TRPC4: variants seen among roughly 807,000 people sequenced by gnomAD.
TRPC4 encodes the protein short transient receptor potential channel 4.
Under a neutral mutation model 99.4 loss-of-function variants are expected in TRPC4, and 49 were observed. That is an observed-to-expected ratio of 0.49 (90% CI 0.39 to 0.63). The LOEUF is 0.63. Among genes scored for constraint, TRPC4 ranks in the 20% least tolerant of loss-of-function variants. TRPC4 has a pLI of 0.00. For synonymous variants in TRPC4, 454 were observed against 425.9 expected (o/e 1.07, Z -0.81); for missense variants, 898 against 1,152.9 (o/e 0.78, Z 3.20).
At chr13:37,688,139 C>A (rs1005572817) in intron 4 of TRPC4, among the ~76,000 whole-genome samples, 1 of 152,084 alleles carries the variant, frequency 6.6e-6, no homozygotes, top group African/African-American at 2.4e-5. Flanking sequence ...AAGGAAAAGT[C>A]GATAACCTTC....
intron 2 of TRPC4, among the ~76,000 whole-genome samples, chr13:37,749,834 T>A (rs1955883251): frequency 6.6e-6 from 1 of 152,148 alleles, no homozygotes; most frequent in African/African-American, 2.4e-5. Context: ...CTATTCGTTT[T>A]ATACTTGTTA....
intron 3 of TRPC4, among the ~76,000 whole-genome samples, chr13:37,734,882 T>C (rs894872851): frequency 1.3e-5 from 2 of 152,022 alleles, no homozygotes; most frequent in African/African-American, 2.4e-5. Context: ...CAAGGAACCA[T>C]GGAGGATGGG....
At chr13:37,753,441 T>C (rs1566145144) in intron 2 of TRPC4, among the ~76,000 whole-genome samples, 1 of 151,864 alleles carries the variant, frequency 6.6e-6, no homozygotes, top group Non-Finnish European at 1.5e-5. Context: ...ATTGAAATGG[T>C]TGGAGGCAGG....
At chr13:37,767,352 A>C (rs201006638) in intron 2 of TRPC4, among the ~76,000 whole-genome samples, 2 of 151,122 alleles carry the variant, frequency 1.3e-5, no homozygotes, top group African/African-American at 2.4e-5. Context: ...ATATATATAT[A>C]TATCTATATA....
intron 1 of TRPC4, among the ~76,000 whole-genome samples, chr13:37,867,548 T>C (rs776228912): frequency 1.1e-4 from 17 of 152,076 alleles, no homozygotes; most frequent in Non-Finnish European, 2.2e-4. Context: ...CAGGGTATGC[T>C]GATAGCATTT....
chr13:37,745,540 A>ATATATGTATATATACG lies in TRPC4; in HGVS notation c.897+396_897+397insCGTATATATACATATA, dbSNP rs1566138792. 1.4e-3 allele frequency among the ~76,000 whole-genome samples: 31 copies of ATATATGTATATATACG among 22,720 alleles called. 1 individual carries two copies. Among genetic ancestry groups the ATATATGTATATATACG allele is most frequent in the Middle Eastern group, 0.015 (1 of 66 alleles). The allele number at this position is 22,720 out of a possible 152,430, so 14.9% of individuals were successfully genotyped here. Reference sequence around the variant, plus strand: ...TATACGTATATATGTATATATACGTATATATATATATATATAATTTCAAAT... The same window carrying ATATATGTATATATACG: ...TATACGTATATATGTATATATACGTATATATGTATATATACGTATATATATATATATAATTTCAAAT... On this transcript the variant is annotated intron_variant, in intron 3 of 10. Transcript: ENST00000379705.
intron 6 of TRPC4, among the ~76,000 whole-genome samples, chr13:37,657,594 G>A (rs928495565): frequency 5.3e-5 from 8 of 152,118 alleles, no homozygotes; most frequent in African/African-American, 1.9e-4. Context: ...TTTAAGGAAA[G>A]TTGTAAGTTA....
intron 5 of TRPC4, among the ~76,000 whole-genome samples, chr13:37,665,956 G>GA (rs1952634499): frequency 6.7e-6 from 1 of 148,280 alleles, no homozygotes; most frequent in Non-Finnish European, 1.5e-5. Context: ...GTCATGGCCA[G>GA]GAAAAAATGC....
At chr13:37,761,619 G>A (rs1956223089) in intron 2 of TRPC4, among the ~76,000 whole-genome samples, 1 of 151,866 alleles carries the variant, frequency 6.6e-6, no homozygotes, top group African/African-American at 2.4e-5. Flanking sequence ...CTCAAAGTTA[G>A]TTCCCATAGG....
At chr13:37,827,947 G>A (rs1040090741) in intron 1 of TRPC4, among the ~76,000 whole-genome samples, 4 of 152,126 alleles carry the variant, frequency 2.6e-5, no homozygotes, top group Non-Finnish European at 4.4e-5. Flanking sequence ...AGGACCCTCC[G>A]AGCCAGGTGC....
chr13:37,835,751 C>T (rs767589352), intron 1 of TRPC4, among the ~76,000 whole-genome samples: 6 of 152,184 alleles, frequency 3.9e-5, no homozygotes, highest in Non-Finnish European at 5.9e-5. Context: ...ACATAAGGTG[C>T]ATGACATTAG....
At chr13:37,802,569 G>T (rs1206056060) in intron 1 of TRPC4, among the ~76,000 whole-genome samples, 1 of 152,024 alleles carries the variant, frequency 6.6e-6, no homozygotes. Context: ...GTGTATTGCT[G>T]CATGATACCA....
intron 8 of TRPC4, among the ~76,000 whole-genome samples, chr13:37,644,977 A>G (rs541107700): frequency 2.8e-4 from 43 of 151,900 alleles, no homozygotes; most frequent in African/African-American, 1.0e-3. Flanking sequence ...GACAGAAAAA[A>G]TGGATTTTGT....
chr13:37,750,584 AT>A (rs1955906461), intron 2 of TRPC4, among the ~76,000 whole-genome samples: 1 of 152,174 alleles, frequency 6.6e-6, no homozygotes, highest in Admixed American at 6.6e-5. Flanking sequence ...ATATTGAAAC[AT>A]TCTGACTTTC....
intron 3 of TRPC4, among the ~76,000 whole-genome samples, chr13:37,739,111 G>A (rs931682344): frequency 1.2e-4 from 18 of 152,014 alleles, no homozygotes; most frequent in Non-Finnish European, 2.2e-4. Flanking sequence ...AAGAAAAACC[G>A]ACATTTGCAA....
rs1242411896 is a variant in TRPC4, at chr13:37,634,761, T to C, written c.*2142A>G. ...TAGAAAATATCCCAAATATTAACAATAGGCCTACAATTTCTCTACTACTGT... is the reference window on the plus strand; with the variant it reads ...TAGAAAATATCCCAAATATTAACAACAGGCCTACAATTTCTCTACTACTGT... On this transcript the variant is annotated 3_prime_UTR_variant, in exon 11 of 11. Transcript: ENST00000379705. Among the ~76,000 whole-genome samples, 1 of 152,044 alleles carries C rather than the reference T, an allele frequency of 6.6e-6. No individual in the cohort carries two copies. Among genetic ancestry groups the C allele is most frequent in the African/African-American group, 2.4e-5 (1 of 41,426 alleles).
chr13:37,656,460 C>T (rs181641546), intron 6 of TRPC4, among the ~76,000 whole-genome samples: 1 of 152,094 alleles, frequency 6.6e-6, no homozygotes, highest in Admixed American at 6.5e-5. Flanking sequence ...GGCATTGTCC[C>T]CTGTATGCCC....
At chr13:37,655,044 A>C (rs1288346069) in intron 7 of TRPC4, 44 bp downstream of exon 7, 1 of 1,395,108 alleles carries the variant, frequency 7.2e-7, no homozygotes, top group East Asian at 2.6e-5. Context: ...AGAACAACAC[A>C]TTCTAGAGGA....
At chr13:37,655,565 A>C (rs1164832238) in intron 6 of TRPC4, among the ~76,000 whole-genome samples, 3 of 152,070 alleles carry the variant, frequency 2.0e-5, no homozygotes, top group African/African-American at 7.2e-5. Context: ...CAAATGTGGC[A>C]TGGGTACTGA....
Sources: gnomAD v4.1 joint callset for allele counts (sites outside exome capture counted in the v4.1 genomes callset) on GRCh38, gnomAD v4.1.1 for gene constraint, MANE v1.5 for transcripts, NCBI Gene and HGNC (gene_info 2026-07-23, HGNC 2026-07-21) for gene names.